PDE3B: variants seen among roughly 807,000 people sequenced by gnomAD.
PDE3B encodes the protein cGMP-inhibited 3',5'-cyclic phosphodiesterase 3B.
A neutral mutation model predicts 116.8 loss-of-function variants in PDE3B; 66 were observed. The ratio of observed to expected loss-of-function variants is 0.56; its 90% CI spans 0.46 to 0.69. PDE3B has a LOEUF of 0.69. Among genes scored for constraint, PDE3B ranks in the 30% least tolerant of loss-of-function variants. The probability of loss-of-function intolerance (pLI) is 0.00; values close to 1 mark genes in which losing one functional copy is unlikely to be tolerated. For missense variants in PDE3B, 1,384 were observed against 1,368.1 expected, an observed-to-expected ratio of 1.01 and a Z score of -0.18; for synonymous variants, 595 against 533.6, an observed-to-expected ratio of 1.12 and a Z score of -1.59.
At chr11:14,851,017 G>T (rs1224692934) in intron 12 of PDE3B, among the ~76,000 whole-genome samples, 5 of 148,234 alleles carry the variant, frequency 3.4e-5, no homozygotes, top group African/African-American at 1.2e-4. Flanking sequence ...TAGAGACGGG[G>T]TTTCACTGTG....
At chr11:14,716,304 G>C (rs569826908) in intron 1 of PDE3B, among the ~76,000 whole-genome samples, 1 of 152,294 alleles carries the variant, frequency 6.6e-6, no homozygotes, top group South Asian at 2.1e-4. Context: ...TAGCACAGCA[G>C]TCTGAGATCA....
At chr11:14,878,323 AT>A in the PDE3B span, 1 of 1,610,160 alleles carries the variant, frequency 6.2e-7, no homozygotes, top group Non-Finnish European at 8.5e-7. Context: ...AGATACAATA[AT>A]TTTTTAAACC....
At chr11:14,766,143 T>G (rs1176758252) in intron 1 of PDE3B, among the ~76,000 whole-genome samples, 1 of 151,700 alleles carries the variant, frequency 6.6e-6, no homozygotes, top group East Asian at 1.9e-4. Flanking sequence ...AATTAAAATA[T>G]TTTATATCAG....
chr11:14,662,157 C>T lies in PDE3B; in HGVS notation c.978+17104C>T, dbSNP rs552240272. Among the ~76,000 whole-genome samples, 4 of 152,244 alleles carry T rather than the reference C, an allele frequency of 2.6e-5. No individual in the cohort carries two copies. The South Asian group carries it at 8.3e-4, about 32-fold the overall frequency. ...GCAACATTCACGGTTCACAAAAATC[C>T]GCTGTTCTGCAGCCACCGCTGCTGT... On this transcript the variant is annotated intron_variant, in intron 1 of 15. Coordinates refer to ENST00000282096, the MANE Select transcript of PDE3B (RefSeq NM_000922.4).
chr11:14,703,000 G>A (rs1160417889), intron 1 of PDE3B, among the ~76,000 whole-genome samples: 7 of 151,826 alleles, frequency 4.6e-5, no homozygotes, highest in Non-Finnish European at 2.9e-5. Context: ...ACCAAATGCA[G>A]AGTTTCTCTA....
intron 1 of PDE3B, among the ~76,000 whole-genome samples, chr11:14,688,900 G>A (rs961350897): frequency 6.6e-6 from 1 of 152,106 alleles, no homozygotes; most frequent in African/African-American, 2.4e-5. Context: ...AGCCTCCCCA[G>A]TAGCTGAGAT....
At chr11:14,797,495 C>T (rs890594529) in intron 4 of PDE3B, among the ~76,000 whole-genome samples, 21 of 152,134 alleles carry the variant, frequency 1.4e-4, no homozygotes. Context: ...ATGGGGATAG[C>T]ACTGAATCTA....
Position 14,818,227 on chromosome 11 carries a change from C to G in PDE3B, c.1567C>G (p.Pro523Ala), listed in dbSNP as rs976980576. ...LSPVNSSNHG[P>A]VSTGSLTNRS... is the part of the protein sequence containing the mutation. ...TCCTGTGAATTCTTCCAACCATGGA[C>G]CAGTGTCTACTGGCTCTCTAACTAA... is the stretch of plus-strand genomic sequence containing the variant. Residue 523 changes from proline (P) to alanine (A), a missense_variant, in exon 6 of 16, where the codon CCA becomes GCA. Transcript: ENST00000282096. 1.2e-6 allele frequency: 2 copies of G among 1,613,422 alleles called. No individual in the cohort carries two copies. The highest frequency in any genetic ancestry group is 1.7e-6 in the Non-Finnish European group (2 of 1,179,610).
chr11:14,646,093 G>T (rs762817435), intron 1 of PDE3B, among the ~76,000 whole-genome samples: 1 of 152,170 alleles, frequency 6.6e-6, no homozygotes, highest in Non-Finnish European at 1.5e-5. Context: ...CGACTAACTG[G>T]TAAGTATAGT....
intron 1 of PDE3B, among the ~76,000 whole-genome samples, chr11:14,654,358 T>C (rs1490363200): frequency 3.9e-5 from 6 of 152,144 alleles, no homozygotes; most frequent in Non-Finnish European, 8.8e-5. Context: ...AGGTGACTTA[T>C]TAGTAGCCAC....
At position 14,834,966 on chromosome 11, in the gene PDE3B, G is replaced by A. The variant is rs377372948; in HGVS notation, c.2207-16G>A. 2.4e-5 allele frequency: 36 copies of A among 1,504,270 alleles called. No individual in the cohort carries two copies. Among genetic ancestry groups the A allele is most frequent in the Non-Finnish European group, 1.3e-5 (14 of 1,092,022 alleles). The allele number at this position is 1,504,270 out of a possible 1,614,324, so 93.2% of individuals were successfully genotyped here. On this transcript the variant is annotated splice_polypyrimidine_tract_variant and intron_variant, in intron 10 of 15. Transcript: ENST00000282096. Reference sequence around the variant, plus strand: ...TGTGTGTTAAACCTAACAGAAAAACGTTTTGGTGACTTTAGATCACAATCG... The same window carrying A: ...TGTGTGTTAAACCTAACAGAAAAACATTTTGGTGACTTTAGATCACAATCG...
chr11:14,819,355 A>C (rs1032783596), intron 7 of PDE3B, 146 bp downstream of exon 7: 1 of 529,686 alleles, frequency 1.9e-6, no homozygotes, highest in Non-Finnish European at 3.5e-6. Flanking sequence ...CAGAGGACTT[A>C]TTTAGAACAA....
At chr11:14,662,303 T>C (rs1853952537) in intron 1 of PDE3B, among the ~76,000 whole-genome samples, 2 of 152,098 alleles carry the variant, frequency 1.3e-5, no homozygotes, top group Middle Eastern at 3.4e-3. Context: ...CAAAAACCCA[T>C]CTGTACATCA....
intron 1 of PDE3B, among the ~76,000 whole-genome samples, chr11:14,768,356 C>G (rs1857553171): frequency 6.6e-6 from 1 of 151,524 alleles, no homozygotes; most frequent in South Asian, 2.1e-4. Flanking sequence ...TGGTTCACTT[C>G]TTTTTCTTTT....
At chr11:14,723,278 A>C (rs554191254) in intron 1 of PDE3B, among the ~76,000 whole-genome samples, 106 of 152,332 alleles carry the variant, frequency 7.0e-4, no homozygotes, top group African/African-American at 2.5e-3. Flanking sequence ...CATGTGTTAA[A>C]CATCTGAGGG....
At chr11:14,842,095 T>G (rs541426706) in intron 11 of PDE3B, among the ~76,000 whole-genome samples, 1 of 152,198 alleles carries the variant, frequency 6.6e-6, no homozygotes, top group Non-Finnish European at 1.5e-5. Context: ...TCAGTAGATT[T>G]CTTGGGATTT....
At chr11:14,859,829 G>T (rs1555006808) in intron 13 of PDE3B, among the ~76,000 whole-genome samples, 1 of 152,132 alleles carries the variant, frequency 6.6e-6, no homozygotes, top group South Asian at 2.1e-4. Context: ...TATTCACCAG[G>T]GGATCAAGAA....
the PDE3B span, among the ~76,000 whole-genome samples, chr11:14,898,191 G>A: frequency 2.7e-5 from 4 of 149,744 alleles, no homozygotes; most frequent in African/African-American, 7.4e-5. Flanking sequence ...TGGATTCATC[G>A]GACAACCACA....
At chr11:14,647,838 G>A (rs560799543) in intron 1 of PDE3B, among the ~76,000 whole-genome samples, 5 of 151,576 alleles carry the variant, frequency 3.3e-5, no homozygotes, top group South Asian at 4.2e-4. Flanking sequence ...AAAAATAATG[G>A]CATGTTTGTA....
Sources: gnomAD v4.1 joint callset for allele counts (sites outside exome capture counted in the v4.1 genomes callset) on GRCh38, gnomAD v4.1.1 for gene constraint, MANE v1.5 for transcripts, NCBI Gene and HGNC (gene_info 2026-07-23, HGNC 2026-07-21) for gene names.